The following ADAMTS6 variants were observed in gnomAD, a reference collection of about 807,000 sequenced individuals.
ADAMTS6 encodes A disintegrin and metalloproteinase with thrombospondin motifs 6.
ADAMTS6 carries 23 observed loss-of-function variants against 144.3 expected under a neutral mutation model. The observed-to-expected ratio is 0.16, with a 90% CI of 0.11 to 0.23. ADAMTS6 has a LOEUF of 0.23. Among genes scored for constraint, ADAMTS6 ranks in the 10% least tolerant of loss-of-function variants. The pLI is 1.00. For missense variants in ADAMTS6, 999 were observed against 1,379.6 expected, an observed-to-expected ratio of 0.72 and a Z score of 4.37; for synonymous variants, 444 against 457.5, an observed-to-expected ratio of 0.97 and a Z score of 0.38.
intron 24 of ADAMTS6, among the ~76,000 whole-genome samples, chr5:65,162,620 TACACACACACACACACACAC>T (rs10529076): frequency 5.5e-5 from 8 of 145,936 alleles, no homozygotes; most frequent in Non-Finnish European, 1.2e-4. Context: ...TATAAGATAC[TACACACACACACACACACAC>T]ACACACACAC....
chr5:65,364,482 C>A (rs1257959908), intron 7 of ADAMTS6, among the ~76,000 whole-genome samples: 1 of 151,590 alleles, frequency 6.6e-6, no homozygotes, highest in Non-Finnish European at 1.5e-5. Flanking sequence ...TGAAACACAG[C>A]GCTGGTAACA....
intron 9 of ADAMTS6, among the ~76,000 whole-genome samples, chr5:65,312,140 T>C (rs1377010745): frequency 1.3e-5 from 2 of 151,994 alleles, no homozygotes; most frequent in Non-Finnish European, 2.9e-5. Flanking sequence ...TAAAGAACAG[T>C]TTCCTCATGC....
intron 10 of ADAMTS6, among the ~76,000 whole-genome samples, chr5:65,293,867 T>C (rs180765609): frequency 6.6e-6 from 1 of 152,320 alleles, no homozygotes; most frequent in Admixed American, 6.5e-5. Context: ...AGACAAGTCT[T>C]GTTCTCCTTT....
chr5:65,452,291 T>A lies in ADAMTS6; in HGVS notation c.844-75A>T, dbSNP rs77955965. ...GGTGATAGTTTGGTTTTTTAAGTGCTAAAACAATTTTTTATAAATTTAGCC... is the reference window on the plus strand; with the variant it reads ...GGTGATAGTTTGGTTTTTTAAGTGCAAAAACAATTTTTTATAAATTTAGCC... On this transcript the variant is annotated intron_variant, in intron 5 of 24. Coordinates refer to ENST00000381055, the MANE Select transcript of ADAMTS6 (RefSeq NM_197941.4). The A allele has an allele frequency of 4.0e-3, 5,144 of 1,281,964 alleles. 156 individuals are homozygous for A. The African/African-American group carries it at 0.067, about 17-fold the overall frequency. The allele number at this position is 1,281,964 out of a possible 1,614,324, so 79.4% of individuals were successfully genotyped here. A position where few individuals can be genotyped will look rare whatever the true frequency, so the allele number is the denominator to read the frequency against.
At chr5:65,383,996 C>T (rs111645148) in intron 7 of ADAMTS6, among the ~76,000 whole-genome samples, 4,692 of 152,290 alleles carry the variant, frequency 0.031, 247 homozygotes, top group African/African-American at 0.11. Flanking sequence ...TGAAGGAGCA[C>T]TGCATCAGAA....
chr5:65,368,625 C>T (rs1451282426), intron 7 of ADAMTS6, among the ~76,000 whole-genome samples: 2 of 152,082 alleles, frequency 1.3e-5, no homozygotes, highest in Non-Finnish European at 2.9e-5. Context: ...TCTAAAGCAA[C>T]ACGAAAAAGA....
chr5:65,180,476 TA>T (rs1249723930), intron 22 of ADAMTS6, among the ~76,000 whole-genome samples: 5 of 152,252 alleles, frequency 3.3e-5, no homozygotes, highest in Admixed American at 6.5e-5. Flanking sequence ...AATCCATCAC[TA>T]GATCTTATTA....
intron 7 of ADAMTS6, among the ~76,000 whole-genome samples, chr5:65,352,448 C>T (rs1188807314): frequency 6.6e-6 from 1 of 152,036 alleles, no homozygotes; most frequent in African/African-American, 2.4e-5. Context: ...AGCTACTCAA[C>T]TATGAGTGGG....
intron 23 of ADAMTS6, 97 bp from the exon 24 acceptor site, chr5:65,170,870 C>CT (rs1006964333): frequency 0.1 from 99,755 of 981,452 alleles, 3 homozygotes; most frequent in East Asian, 0.12. Flanking sequence ...ACAATATGAA[C>CT]TTTTTTTTTT....
At position 65,264,898 on chromosome 5, in the gene ADAMTS6, T is replaced by C. The variant is rs1273995603; in HGVS notation, c.1621-1936A>G. ...ATGCAACAAAAATTAATTAGATTAA[T>C]TAATAAGTAGTTAAATTAAGGAATT... On this transcript the variant is annotated intron_variant, in intron 12 of 24. Coordinates refer to ENST00000381055, the MANE Select transcript of ADAMTS6 (RefSeq NM_197941.4). 3.3e-5 allele frequency among the ~76,000 whole-genome samples: 5 copies of C among 152,246 alleles called. No individual in the cohort carries two copies. In the South Asian group the frequency reaches 1.0e-3, roughly 32 times the overall value.
At chr5:65,462,611 C>G (rs918395498) in intron 3 of ADAMTS6, among the ~76,000 whole-genome samples, 1 of 152,186 alleles carries the variant, frequency 6.6e-6, no homozygotes, top group Non-Finnish European at 1.5e-5. Context: ...CTCTTAACCA[C>G]TACACCATAA....
At chr5:65,239,135 G>T (rs540313540) in intron 15 of ADAMTS6, among the ~76,000 whole-genome samples, 2 of 151,994 alleles carry the variant, frequency 1.3e-5, no homozygotes, top group Admixed American at 6.6e-5. Flanking sequence ...GGGGAGGGGG[G>T]AGAGATAGCA....
chr5:65,441,292 A>G (rs1358685544), intron 7 of ADAMTS6, among the ~76,000 whole-genome samples: 3 of 152,198 alleles, frequency 2.0e-5, no homozygotes, highest in African/African-American at 7.2e-5. Context: ...AATTGAATAC[A>G]CAGAGAAGAG....
At chr5:65,375,449 A>G (rs1751432497) in intron 7 of ADAMTS6, among the ~76,000 whole-genome samples, 1 of 152,036 alleles carries the variant, frequency 6.6e-6, no homozygotes, top group South Asian at 2.1e-4. Context: ...AAGTGGGCGA[A>G]GGACATGAAC....
At chr5:65,418,277 T>C (rs1485502897) in intron 7 of ADAMTS6, among the ~76,000 whole-genome samples, 2 of 152,182 alleles carry the variant, frequency 1.3e-5, no homozygotes, top group East Asian at 1.9e-4. Flanking sequence ...GTAGAAAACC[T>C]GGGAAACACC....
intron 3 of ADAMTS6, among the ~76,000 whole-genome samples, chr5:65,467,249 G>A (rs1392570697): frequency 4.6e-5 from 7 of 151,948 alleles, no homozygotes; most frequent in Non-Finnish European, 1.0e-4. Flanking sequence ...GAAAGAGAGT[G>A]CAGGGAGGAA....
rs1307094687 is a variant in ADAMTS6, at chr5:65,150,335, A to C, written c.*1501T>G. 1 of 152,628 alleles carries C rather than the reference A, an allele frequency of 6.6e-6. No individual in the cohort carries two copies. The highest frequency in any genetic ancestry group is 2.4e-5 in the African/African-American group (1 of 41,442). 9.5% of individuals were successfully genotyped at this position (152,628 alleles called of 1,614,324 possible). A position where few individuals can be genotyped will look rare whatever the true frequency, so the allele number is the denominator to read the frequency against. On this transcript the variant is annotated 3_prime_UTR_variant, in exon 25 of 25. Transcript: ENST00000381055. ...AACCTGCTGCAAGCTACACGTGTTC[A>C]AGTAAAAAATATTAATATAAACAAG...
intron 21 of ADAMTS6, among the ~76,000 whole-genome samples, chr5:65,190,915 G>T (rs1395399966): frequency 6.6e-6 from 1 of 151,942 alleles, no homozygotes; most frequent in Admixed American, 6.6e-5. Context: ...CACTGCATCT[G>T]CTTGTCTCAG....
intron 7 of ADAMTS6, among the ~76,000 whole-genome samples, chr5:65,426,045 A>C (rs6885002): frequency 0.61 from 90,582 of 147,650 alleles, 29,277 homozygotes; most frequent in African/African-American, 0.84. Flanking sequence ...GCCACCGCAC[A>C]CAGACTTTTT....
Sources: allele counts gnomAD v4.1 joint callset (sites outside exome capture counted in the v4.1 genomes callset), GRCh38; gene constraint gnomAD v4.1.1; transcripts MANE v1.5; gene names NCBI Gene and HGNC (gene_info 2026-07-23, HGNC 2026-07-21).